NR3C1: variants seen among roughly 807,000 people sequenced by gnomAD.
The protein encoded by NR3C1 is glucocorticoid receptor.
Under a neutral mutation model 74.0 loss-of-function variants are expected in NR3C1, and 14 were observed. The observed-to-expected ratio is 0.19, with a 90% CI of 0.12 to 0.30. The LOEUF is 0.30. NR3C1 is among the 10% of genes least tolerant of loss of function. The probability of loss-of-function intolerance (pLI) is 1.00; values close to 1 mark genes in which losing one functional copy is unlikely to be tolerated. For missense variants in NR3C1, 695 were observed against 909.8 expected (o/e 0.76, Z 3.04); for synonymous variants, 308 against 332.5 (o/e 0.93, Z 0.80).
chr5:143,358,635 C>A (rs756571348), intron 2 of NR3C1, among the ~76,000 whole-genome samples: 59 of 152,338 alleles, frequency 3.9e-4, no homozygotes, highest in Middle Eastern at 3.4e-3. Flanking sequence ...GGCGCGGTGG[C>A]TCACGCCTGT....
chr5:143,429,561 T>G (rs1274927173), intron 1 of NR3C1, among the ~76,000 whole-genome samples: 1 of 152,208 alleles, frequency 6.6e-6, no homozygotes, highest in Non-Finnish European at 1.5e-5. Flanking sequence ...TGCAACTATC[T>G]CTGCTATGGC....
intron 7 of NR3C1, among the ~76,000 whole-genome samples, chr5:143,286,491 G>T (rs1382197339): frequency 6.6e-6 from 1 of 152,006 alleles, no homozygotes; most frequent in Non-Finnish European, 1.5e-5. Flanking sequence ...TACCATATTA[G>T]TGACTAAAAA....
At chr5:143,367,599 A>G (rs960939385) in intron 2 of NR3C1, among the ~76,000 whole-genome samples, 1 of 152,236 alleles carries the variant, frequency 6.6e-6, no homozygotes, top group South Asian at 2.1e-4. Flanking sequence ...TTGCATTACT[A>G]ATCAGTAGCA....
At chr5:143,298,563 G>C in intron 6 of NR3C1, 105 bp downstream of exon 6, 1 of 1,255,122 alleles carries the variant, frequency 8.0e-7, no homozygotes, top group African/African-American at 1.5e-5. Context: ...ATACCTAGTA[G>C]GATTGTTTCA....
At chr5:143,385,914 G>A (rs1228641752) in intron 2 of NR3C1, among the ~76,000 whole-genome samples, 1 of 152,106 alleles carries the variant, frequency 6.6e-6, no homozygotes, top group Non-Finnish European at 1.5e-5. Flanking sequence ...CCACTGTCCT[G>A]GTACCAAGTT....
At chr5:143,297,851 T>A (rs1218452051) in intron 6 of NR3C1, among the ~76,000 whole-genome samples, 1 of 151,276 alleles carries the variant, frequency 6.6e-6, no homozygotes, top group Non-Finnish European at 1.5e-5. Context: ...GAATGAAGAG[T>A]GTGTGAAGGA....
intron 2 of NR3C1, among the ~76,000 whole-genome samples, chr5:143,340,826 A>G (rs1312480777): frequency 6.6e-6 from 1 of 152,162 alleles, no homozygotes; most frequent in Non-Finnish European, 1.5e-5. Flanking sequence ...TACCAAATAT[A>G]TATTTTTAAA....
At chr5:143,350,824 G>A (rs1198198086) in intron 2 of NR3C1, among the ~76,000 whole-genome samples, 2 of 152,186 alleles carry the variant, frequency 1.3e-5, no homozygotes, top group Admixed American at 6.5e-5. Flanking sequence ...ACAGAATTGT[G>A]TCACAGAAAC....
chr5:143,298,687 G>T lies in NR3C1; in HGVS notation c.1873C>A (p.Pro625Thr). 1 of 1,613,634 alleles carries T rather than the reference G, an allele frequency of 6.2e-7. No homozygotes were observed. The highest frequency in any genetic ancestry group is 1.1e-5 in the South Asian group (1 of 91,046). The change falls in exon 6 of 9, where the codon CCT becomes ACT. Residue 625 changes from proline (P) to threonine (T), a missense_variant. Physicochemically the swap from Pro to Thr is conservative, Grantham distance 38. Coordinates refer to ENST00000394464, the MANE Select transcript of NR3C1 (RefSeq NM_000176.3). Reference protein sequence around the residue: ...QSSANLLCFAPDLIINEQRMT... With the variant: ...QSSANLLCFATDLIINEQRMT... ...ACTTACTCATTAATAATCAGATCAG[G>T]AGCAAAACACAGCAGGTTTGCACTT...
chr5:143,301,085 A>AT (rs1044548616), intron 4 of NR3C1, among the ~76,000 whole-genome samples: 7 of 152,042 alleles, frequency 4.6e-5, no homozygotes, highest in African/African-American at 1.4e-4. Context: ...TCTATAAATT[A>AT]TTTTTTTATC....
intron 5 of NR3C1, among the ~76,000 whole-genome samples, chr5:143,299,040 A>G (rs1286838354): frequency 6.8e-6 from 1 of 146,782 alleles, no homozygotes; most frequent in Non-Finnish European, 1.5e-5. Context: ...ATTGAGACAA[A>G]GTCTTGCTCT....
At chr5:143,289,667 C>T (rs1025243664) in intron 7 of NR3C1, among the ~76,000 whole-genome samples, 1 of 151,994 alleles carries the variant, frequency 6.6e-6, no homozygotes, top group African/African-American at 2.4e-5. Context: ...AATATTTGAA[C>T]AATTCTTAAA....
Position 143,369,575 on chromosome 5 carries a change from T to C in NR3C1, c.1184+30081A>G, listed in dbSNP as rs1833896356. ...ATATGGATGAACCTTGAAAACATGTTAAGTGAAATAAGCCAGGTACAAGAA... is the reference window on the plus strand; with the variant it reads ...ATATGGATGAACCTTGAAAACATGTCAAGTGAAATAAGCCAGGTACAAGAA... On this transcript the variant is annotated intron_variant, in intron 2 of 8. Transcript: ENST00000394464. Among the ~76,000 whole-genome samples the C allele has an allele frequency of 2.0e-5, 3 of 152,178 alleles. No homozygotes were observed. The South Asian group carries it at 6.2e-4, about 32-fold the overall frequency.
intron 2 of NR3C1, among the ~76,000 whole-genome samples, chr5:143,366,326 T>C (rs1260585032): frequency 1.3e-5 from 2 of 151,854 alleles, no homozygotes; most frequent in South Asian, 2.1e-4. Flanking sequence ...CTGCCCAACA[T>C]GGTGAAACCC....
At chr5:143,336,006 T>C (rs1561599756) in intron 2 of NR3C1, among the ~76,000 whole-genome samples, 1 of 152,248 alleles carries the variant, frequency 6.6e-6, no homozygotes, top group Non-Finnish European at 1.5e-5. Flanking sequence ...ACAAATCTGG[T>C]GAACTGGCTA....
At chr5:143,323,545 G>A (rs1295356945) in intron 2 of NR3C1, among the ~76,000 whole-genome samples, 1 of 152,060 alleles carries the variant, frequency 6.6e-6, no homozygotes. Flanking sequence ...TTAGGGTGGG[G>A]ACACAGCCAA....
intron 1 of NR3C1, among the ~76,000 whole-genome samples, chr5:143,432,401 G>A (rs1480089737): frequency 6.6e-6 from 1 of 152,106 alleles, no homozygotes; most frequent in Admixed American, 6.5e-5. Flanking sequence ...ACGGGGATGG[G>A]GACAGATTTC....
intron 2 of NR3C1, among the ~76,000 whole-genome samples, chr5:143,385,894 T>C (rs537243547): frequency 6.6e-6 from 1 of 152,358 alleles, no homozygotes; most frequent in East Asian, 1.9e-4. Context: ...TGTATCTTTA[T>C]AGCAATGCCC....
At chr5:143,409,993 C>T (rs767639552) in intron 1 of NR3C1, among the ~76,000 whole-genome samples, 4 of 152,248 alleles carry the variant, frequency 2.6e-5, no homozygotes, top group Non-Finnish European at 5.9e-5. Context: ...TTAAGCAATA[C>T]CTGATTCAAG....
Sources: gnomAD v4.1 joint callset for allele counts (sites outside exome capture counted in the v4.1 genomes callset) on GRCh38, gnomAD v4.1.1 for gene constraint, MANE v1.5 for transcripts, NCBI Gene and HGNC (gene_info 2026-07-23, HGNC 2026-07-21) for gene names.